SLIT3: variants seen among roughly 807,000 people sequenced by gnomAD.
SLIT3 encodes slit guidance ligand 3.
In SLIT3, 68 loss-of-function variants were observed where a neutral mutation model predicts 184.0. The ratio of observed to expected loss-of-function variants is 0.37; its 90% CI spans 0.30 to 0.45. SLIT3 has a LOEUF of 0.45. Ranked by LOEUF, SLIT3 falls within the 20% of genes least tolerant of loss-of-function variation. The pLI, the probability that SLIT3 is intolerant of heterozygous loss-of-function variation, is 1.00. For missense variants in SLIT3, 1,707 were observed against 2,026.0 expected (o/e 0.84, Z 3.02); for synonymous variants, 831 against 828.6 (o/e 1.00, Z -0.05).
chr5:168,844,730 C>G (rs1758396462), intron 5 of SLIT3, 75 bp from the exon 6 acceptor site: 6 of 1,393,806 alleles, frequency 4.3e-6, no homozygotes, highest in Non-Finnish European at 6.1e-6. Context: ...GCCACCCGAG[C>G]GCCTGTCCCT....
At chr5:169,111,186 G>C (rs867145235) in intron 4 of SLIT3, among the ~76,000 whole-genome samples, 4 of 152,088 alleles carry the variant, frequency 2.6e-5, no homozygotes, top group South Asian at 4.2e-4. Flanking sequence ...AGCCTTCCCT[G>C]CCCTGGCTCA....
At chr5:168,907,979 T>TAGAGAGAGAGAGAGAGAG (rs70979109) in intron 4 of SLIT3, among the ~76,000 whole-genome samples, 9 of 50,086 alleles carry the variant, frequency 1.8e-4, no homozygotes, top group African/African-American at 6.2e-4. Flanking sequence ...TATATATATA[T>TAGAGAGAGAGAGAGAGAG]AGAGAGAGAG....
At chr5:168,761,925 T>G (rs1453174741) in intron 15 of SLIT3, among the ~76,000 whole-genome samples, 1 of 148,160 alleles carries the variant, frequency 6.7e-6, no homozygotes, top group Non-Finnish European at 1.5e-5. Flanking sequence ...AAAAAAATTT[T>G]TTTTTTTTTT....
intron 4 of SLIT3, among the ~76,000 whole-genome samples, chr5:169,150,303 T>C (rs1762072148): frequency 1.3e-5 from 2 of 152,170 alleles, no homozygotes; most frequent in Admixed American, 1.3e-4. Context: ...ATGCCTTGTG[T>C]GCTTGCCATG....
At chr5:168,935,323 C>T (rs534459441) in intron 4 of SLIT3, among the ~76,000 whole-genome samples, 21 of 152,190 alleles carry the variant, frequency 1.4e-4, no homozygotes, top group African/African-American at 4.1e-4. Context: ...AAAGTCTGAA[C>T]CACTACACTG....
rs571383741 is a variant in SLIT3 at position 168,817,199 on chromosome 5, C to A, written c.793+101G>T. 4.5e-6 allele frequency: 5 copies of A among 1,110,236 alleles called. No individual in the cohort carries two copies. In the East Asian group the frequency reaches 1.3e-4, roughly 28 times the overall value. The allele number at this position is 1,110,236 out of a possible 1,614,324, so 68.8% of individuals were successfully genotyped here. A position where few individuals can be genotyped will look rare whatever the true frequency, so the allele number is the denominator to read the frequency against. On this transcript the variant is annotated intron_variant, in intron 8 of 35. Coordinates refer to ENST00000519560, the MANE Select transcript of SLIT3 (RefSeq NM_003062.4). The stretch of plus-strand genomic sequence containing the variant: ...CCTATGGGGTTCCTTCCACACCAAG[C>A]TCTGGGCTAGGGTATGTGTTCAAGG...
chr5:168,935,376 C>T lies in SLIT3; in HGVS notation c.414-52040G>A, dbSNP rs116906931. Among the ~76,000 whole-genome samples, 196 of 152,220 alleles carry T rather than the reference C, an allele frequency of 1.3e-3. 4 individuals carry two copies. The East Asian group carries it at 0.034, about 26-fold the overall frequency. On this transcript the variant is annotated intron_variant, in intron 4 of 35. Coordinates refer to ENST00000519560, the MANE Select transcript of SLIT3 (RefSeq NM_003062.4). ...GCCACACCCCCTCCAGGAAGCCTTCCCTGACTTCATCAGCCTGCAGGGATG... is the reference window on the plus strand; with the variant it reads ...GCCACACCCCCTCCAGGAAGCCTTCTCTGACTTCATCAGCCTGCAGGGATG...
At chr5:168,881,807 TAA>T (rs946205470) in intron 5 of SLIT3, among the ~76,000 whole-genome samples, 1 of 152,192 alleles carries the variant, frequency 6.6e-6, no homozygotes. Flanking sequence ...CAGGAAGATA[TAA>T]ACTCAGGAGG....
chr5:168,763,877 G>A (rs1337646551), intron 14 of SLIT3, among the ~76,000 whole-genome samples: 3 of 152,212 alleles, frequency 2.0e-5, no homozygotes, highest in African/African-American at 7.2e-5. Context: ...GAGCACCTGA[G>A]TGTCCTGTAC....
chr5:168,885,078 G>C (rs574579342), intron 4 of SLIT3, among the ~76,000 whole-genome samples: 1 of 152,176 alleles, frequency 6.6e-6, no homozygotes, highest in African/African-American at 2.4e-5. Flanking sequence ...AGAGGAAGCA[G>C]AAAAGAGGTG....
intron 1 of SLIT3, among the ~76,000 whole-genome samples, chr5:169,299,563 A>C (rs2113670601): frequency 6.6e-6 from 1 of 152,230 alleles, no homozygotes; most frequent in East Asian, 1.9e-4. Context: ...CACCCACTCC[A>C]GCGTTTCTCC....
At chr5:168,836,119 G>A (rs893651947) in intron 6 of SLIT3, among the ~76,000 whole-genome samples, 1 of 152,138 alleles carries the variant, frequency 6.6e-6, no homozygotes, top group Admixed American at 6.5e-5. Context: ...TCCTGTGAAA[G>A]CTCCTAGGAT....
intron 4 of SLIT3, among the ~76,000 whole-genome samples, chr5:169,092,671 C>T (rs1759636233): frequency 6.6e-6 from 1 of 152,200 alleles, no homozygotes; most frequent in African/African-American, 2.4e-5. Context: ...GCAGGCAGCA[C>T]AGTCCATTTC....
intron 4 of SLIT3, among the ~76,000 whole-genome samples, chr5:169,127,082 C>A (rs145125222): frequency 2.6e-4 from 40 of 152,340 alleles, no homozygotes; most frequent in Middle Eastern, 6.8e-3. Context: ...CAGACAATTT[C>A]TTCTTCCATC....
chr5:168,906,154 A>G (rs1411859117), intron 4 of SLIT3, among the ~76,000 whole-genome samples: 1 of 152,188 alleles, frequency 6.6e-6, no homozygotes, highest in Non-Finnish European at 1.5e-5. Flanking sequence ...AATGTTCAAG[A>G]AAGGAAAGAA....
intron 3 of SLIT3, among the ~76,000 whole-genome samples, chr5:169,239,761 C>T (rs1182779631): frequency 6.6e-6 from 1 of 151,920 alleles, no homozygotes; most frequent in African/African-American, 2.4e-5. Flanking sequence ...ATTTCTATTT[C>T]TTATACTTCT....
At chr5:168,954,183 G>C (rs1038142724) in intron 4 of SLIT3, among the ~76,000 whole-genome samples, 1 of 152,050 alleles carries the variant, frequency 6.6e-6, no homozygotes, top group Non-Finnish European at 1.5e-5. Flanking sequence ...ACCTTGGGCA[G>C]GTTACTTACC....
chr5:168,818,080 T>C (rs950049561), intron 7 of SLIT3, among the ~76,000 whole-genome samples: 3 of 151,878 alleles, frequency 2.0e-5, no homozygotes, highest in African/African-American at 7.3e-5. Flanking sequence ...GTACCTTCTT[T>C]CCACCCTCCC....
chr5:168,909,967 C>T (rs1356515702), intron 4 of SLIT3, among the ~76,000 whole-genome samples: 1 of 152,228 alleles, frequency 6.6e-6, no homozygotes, highest in Non-Finnish European at 1.5e-5. Flanking sequence ...CTGCTTTAAA[C>T]CCATTCACTA....
Sources: gnomAD v4.1 joint callset for allele counts (sites outside exome capture counted in the v4.1 genomes callset) on GRCh38, gnomAD v4.1.1 for gene constraint, MANE v1.5 for transcripts, NCBI Gene and HGNC (gene_info 2026-07-23, HGNC 2026-07-21) for gene names.